The following TTC34 variants were observed in gnomAD, a reference collection of about 807,000 sequenced individuals.
TTC34 encodes tetratricopeptide repeat protein 34.
A neutral mutation model predicts 40.7 loss-of-function variants in TTC34; 44 were observed. The ratio of observed to expected loss-of-function variants is 1.08; its 90% confidence interval spans 0.85 to 1.39. The LOEUF (loss-of-function observed/expected upper bound fraction) is 1.39. Among genes scored for constraint, TTC34 ranks in the 40% most tolerant of loss-of-function variants. The pLI is 0.00. For synonymous variants in TTC34, 422 were observed against 398.6 expected (o/e 1.06, Z -0.70); for missense variants, 884 against 838.0 (o/e 1.05, Z -0.68).
Position 2,787,480 on chromosome 1 carries a change from C to T in TTC34, c.1854+1G>A, listed in dbSNP as rs1309184720. ...CTCTGTCACCCCCCAGGCCTCCTCA[C>T]CTGGTTGGCGTCATAGAAGAAGCCC... On this transcript the variant is annotated splice_donor_variant, in intron 4 of 8. Transcript: ENST00000401095. LOFTEE classifies it high-confidence loss of function. 1 of 1,478,332 alleles carries T rather than the reference C, an allele frequency of 6.8e-7. No individual in the cohort carries two copies. The highest frequency in any genetic ancestry group is 2.5e-5 in the East Asian group (1 of 40,052). 91.6% of individuals were successfully genotyped at this position (1,478,332 alleles called of 1,614,324 possible). A position where few individuals can be genotyped will look rare whatever the true frequency, so the allele number is the denominator to read the frequency against.
exon 5 of TTC34, chr1:2,785,918 T>C (rs1398517454): frequency 6.5e-7 from 1 of 1,534,862 alleles, no homozygotes; most frequent in Admixed American, 2.0e-5. Context: ...GCCAGGGCCC[T>C]GGCGTGGCAG....
At chr1:2,749,592 C>A (rs1569686565) in intron 6 of TTC34, among the ~76,000 whole-genome samples, 1 of 109,990 alleles carries the variant, frequency 9.1e-6, no homozygotes. Flanking sequence ...CAGCCTGGAG[C>A]AGCACCCACA....
intron 6 of TTC34, among the ~76,000 whole-genome samples, chr1:2,768,020 G>C (rs2100478056): frequency 6.6e-6 from 1 of 151,386 alleles, no homozygotes; most frequent in African/African-American, 2.4e-5. Flanking sequence ...GTGAGCATCT[G>C]ACAGCATAAA....
rs372662186 is a variant in TTC34, at chr1:2,695,194, C to T, written c.2227-49631G>A. 1.7e-4 allele frequency among the ~76,000 whole-genome samples: 11 copies of T among 63,896 alleles called. No individual in the cohort carries two copies. The East Asian group carries it at 2.4e-3, about 14-fold the overall frequency. The allele number at this position is 63,896 out of a possible 152,430, so 41.9% of individuals were successfully genotyped here. A position where few individuals can be genotyped will look rare whatever the true frequency, so the allele number is the denominator to read the frequency against. On this transcript the variant is annotated intron_variant, in intron 6 of 8. Transcript: ENST00000401095. ...CTGACAGCATGGAACAGCACCCATACGCCCAGATGAGCATCTGACAGCCTG... is the reference window on the plus strand; with the variant it reads ...CTGACAGCATGGAACAGCACCCATATGCCCAGATGAGCATCTGACAGCCTG...
intron 6 of TTC34, chr1:2,776,505 C>A (rs918594979): frequency 1.8e-5 from 1 of 56,262 alleles, no homozygotes; most frequent in Admixed American, 1.8e-4. Context: ...ATCTGACAGC[C>A]TGGAACAGCA....
At chr1:2,687,198 C>A (rs1209678425) in intron 6 of TTC34, among the ~76,000 whole-genome samples, 1 of 147,378 alleles carries the variant, frequency 6.8e-6, no homozygotes, top group Non-Finnish European at 1.5e-5. Context: ...CGGAGCAGCA[C>A]CCACACCTCC....
intron 6 of TTC34, among the ~76,000 whole-genome samples, chr1:2,687,150 G>T (rs1231414796): frequency 1.6e-5 from 2 of 126,008 alleles, no homozygotes; most frequent in Non-Finnish European, 3.2e-5. Context: ...TGACAGCCTG[G>T]AACAGTACCC....
chr1:2,691,506 C>A (rs1454934229), intron 6 of TTC34, among the ~76,000 whole-genome samples: 2 of 109,260 alleles, frequency 1.8e-5, no homozygotes, highest in Non-Finnish European at 4.1e-5. Context: ...CCCAAAACCA[C>A]AGGTGAGCAT....
At position 2,641,587 on chromosome 1, in the gene TTC34, CGCCAGCTTCAGGGCCTGGGCAAAGG is replaced by C. The variant is rs1025478239; in HGVS notation, c.2996_3020del (p.Ala999GlyfsTer42). ...ACAGGCTGTTCTGGGCCAAGGAGGGCGCCAGCTTCAGGGCCTGGGCAAAGGCCCCTGCGGCCGCCGCCTCATCCCC... is the reference window on the plus strand; with the variant it reads ...ACAGGCTGTTCTGGGCCAAGGAGGGCCCCCTGCGGCCGCCGCCTCATCCCC... On this transcript the variant is annotated frameshift_variant, in exon 9 of 9. Coordinates refer to ENST00000401095, the Ensembl canonical transcript of TTC34. LOFTEE classifies it low-confidence loss of function (END_TRUNC). 1 of 1,532,888 alleles carries C rather than the reference CGCCAGCTTCAGGGCCTGGGCAAAGG, an allele frequency of 6.5e-7. No individual in the cohort carries two copies. The highest frequency in any genetic ancestry group is 1.4e-5 in the African/African-American group (1 of 72,932). 95.0% of individuals were successfully genotyped at this position (1,532,888 alleles called of 1,614,324 possible).
In TTC34 at chr1:2,641,364, C is replaced by T. The variant is rs1461700388; in HGVS notation, c.*4G>A. ...GATTAGGGCTGGGAGAGGGTCAGGC[C>T]CAGTCACTGTAGCCAGCAGCCTGAG... On this transcript the variant is annotated 3_prime_UTR_variant, in exon 9 of 9. Transcript: ENST00000401095. The T allele has an allele frequency of 8.0e-6, 12 of 1,498,856 alleles. No individual in the cohort carries two copies. The Admixed American group carries it at 2.3e-4, about 29-fold the overall frequency. The allele number at this position is 1,498,856 out of a possible 1,614,324, so 92.8% of individuals were successfully genotyped here. A position where few individuals can be genotyped will look rare whatever the true frequency, so the allele number is the denominator to read the frequency against.
intron 6 of TTC34, among the ~76,000 whole-genome samples, chr1:2,692,650 G>GGCT (rs1640679150): frequency 4.3e-5 from 6 of 141,102 alleles, no homozygotes; most frequent in African/African-American, 5.6e-5. Context: ...TGACATCGTG[G>GGCT]AGCAGCACCC....
intron 6 of TTC34, among the ~76,000 whole-genome samples, chr1:2,758,150 A>ACTG (rs1641568229): frequency 3.2e-4 from 6 of 18,554 alleles, no homozygotes; most frequent in African/African-American, 4.9e-4. Context: ...AGCAGCACCC[A>ACTG]CATCCCCAGG....
intron 6 of TTC34, among the ~76,000 whole-genome samples, chr1:2,692,071 G>A (rs111338034): frequency 7.8e-4 from 91 of 116,466 alleles, no homozygotes; most frequent in African/African-American, 2.0e-3. Context: ...ACACCCCCAG[G>A]TGAACATCCG....
At chr1:2,691,045 C>G (rs200708314) in intron 6 of TTC34, among the ~76,000 whole-genome samples, 2 of 67,192 alleles carry the variant, frequency 3.0e-5, no homozygotes, top group African/African-American at 9.5e-5. Flanking sequence ...CTGACAGCCT[C>G]GGTCAGCACC....
chr1:2,750,679 C>CCCAAACG (rs1641288408), intron 6 of TTC34, among the ~76,000 whole-genome samples: 2 of 141,024 alleles, frequency 1.4e-5, no homozygotes, highest in African/African-American at 2.5e-5. Context: ...TGGAACAGCA[C>CCCAAACG]CCTGCACCCC....
chr1:2,761,968 CAA>C, intron 6 of TTC34, among the ~76,000 whole-genome samples: 1 of 61,594 alleles, frequency 1.6e-5, no homozygotes, highest in Admixed American at 1.7e-4. Context: ...GCAGCACACA[CAA>C]CCTTAGGCGA....
chr1:2,675,166 G>T (rs1333911284), intron 6 of TTC34, among the ~76,000 whole-genome samples: 2 of 146,412 alleles, frequency 1.4e-5, no homozygotes, highest in African/African-American at 2.5e-5. Flanking sequence ...CACACCCCCA[G>T]GGGAGCATCT....
chr1:2,699,169 A>C (rs1458504580), intron 6 of TTC34, among the ~76,000 whole-genome samples: 1 of 142,278 alleles, frequency 7.0e-6, no homozygotes, highest in Non-Finnish European at 1.5e-5. Context: ...CAGCACCCAC[A>C]GCCCAAGGTG....
At chr1:2,647,629 A>G (rs1257145705) in intron 6 of TTC34, among the ~76,000 whole-genome samples, 1 of 152,030 alleles carries the variant, frequency 6.6e-6, no homozygotes, top group African/African-American at 2.4e-5. Context: ...GTGAGACTCC[A>G]TCTCTTCTAG....
Sources: gnomAD v4.1 joint callset for allele counts (sites outside exome capture counted in the v4.1 genomes callset) on GRCh38, gnomAD v4.1.1 for gene constraint, MANE v1.5 for transcripts, NCBI Gene and HGNC (gene_info 2026-07-23, HGNC 2026-07-21) for gene names.